TBL1XR1: variants seen among roughly 807,000 people sequenced by gnomAD.
TBL1XR1 encodes the protein TBL1X/Y related 1.
In TBL1XR1, 5 loss-of-function variants were observed where a neutral mutation model predicts 66.9. The observed-to-expected ratio is 0.07, with a 90% CI of 0.04 to 0.16. The LOEUF (loss-of-function observed/expected upper bound fraction) is 0.16, where lower values mean the gene tolerates loss of function less well. Among genes scored for constraint, TBL1XR1 ranks in the 10% least tolerant of loss-of-function variants. The pLI, the probability that TBL1XR1 is intolerant of heterozygous loss-of-function variation, is 1.00. For synonymous variants in TBL1XR1, 210 were observed against 206.0 expected (o/e 1.02, Z -0.17); for missense variants, 238 against 623.2 (o/e 0.38, Z 6.58).
intron 14 of TBL1XR1, among the ~76,000 whole-genome samples, chr3:177,030,994 C>T (rs894806067): frequency 1.3e-5 from 2 of 152,150 alleles, no homozygotes; most frequent in African/African-American, 4.8e-5. Flanking sequence ...CACCTATAAT[C>T]CCAGCTACTC....
chr3:177,147,708 G>A (rs933716348), intron 1 of TBL1XR1, among the ~76,000 whole-genome samples: 7 of 152,112 alleles, frequency 4.6e-5, no homozygotes, highest in Admixed American at 2.6e-4. Flanking sequence ...CTCCTAATAA[G>A]GCTTCAGCTT....
chr3:177,102,471 C>T (rs900907206), intron 1 of TBL1XR1, among the ~76,000 whole-genome samples: 1 of 151,970 alleles, frequency 6.6e-6, no homozygotes, highest in Non-Finnish European at 1.5e-5. Flanking sequence ...AAGCACACCA[C>T]GTAATTAAAA....
In TBL1XR1 at chr3:177,020,220, T is replaced by C. The variant is rs1484058223; in HGVS notation, c.*5278A>G. ...ATCTTCAACACATCTACACATTGTT[T>C]TGTGCTCAACCGTGTGGCTAACCAA... On this transcript the variant is annotated 3_prime_UTR_variant, in exon 16 of 16. Coordinates refer to ENST00000457928, the MANE Select transcript of TBL1XR1 (RefSeq NM_024665.7). 2 of 152,030 alleles carry C rather than the reference T, an allele frequency of 1.3e-5. No homozygotes were observed. Among genetic ancestry groups the C allele is most frequent in the East Asian group, 3.9e-4 (2 of 5,188 alleles). The allele number at this position is 152,030 out of a possible 1,614,324, so 9.4% of individuals were successfully genotyped here. A position where few individuals can be genotyped will look rare whatever the true frequency, so the allele number is the denominator to read the frequency against.
At chr3:177,146,659 A>T (rs1730293912) in intron 1 of TBL1XR1, among the ~76,000 whole-genome samples, 1 of 151,630 alleles carries the variant, frequency 6.6e-6, no homozygotes, top group Non-Finnish European at 1.5e-5. Flanking sequence ...TCTAAATAAC[A>T]GGAAGCTATC....
intron 1 of TBL1XR1, among the ~76,000 whole-genome samples, chr3:177,126,732 G>A (rs1358636738): frequency 2.0e-5 from 3 of 151,806 alleles, no homozygotes; most frequent in Admixed American, 2.0e-4. Flanking sequence ...TCTTGGCACT[G>A]GCTCTCCATA....
At chr3:177,077,006 T>C (rs1375453854) in intron 2 of TBL1XR1, among the ~76,000 whole-genome samples, 1 of 152,232 alleles carries the variant, frequency 6.6e-6, no homozygotes, top group Non-Finnish European at 1.5e-5. Context: ...GCATGTCCTA[T>C]ATGGGGTCTA....
intron 1 of TBL1XR1, among the ~76,000 whole-genome samples, chr3:177,106,288 A>C (rs62296570): frequency 0.021 from 3,219 of 152,308 alleles, 58 homozygotes; most frequent in African/African-American, 0.035. Context: ...ACCATCGCGC[A>C]AATCAATGAC....
chr3:177,070,756 G>A (rs566656306), intron 2 of TBL1XR1, among the ~76,000 whole-genome samples: 1 of 152,090 alleles, frequency 6.6e-6, no homozygotes, highest in African/African-American at 2.4e-5. Context: ...TGAGATGGGA[G>A]AATCGCTTGA....
intron 7 of TBL1XR1, among the ~76,000 whole-genome samples, chr3:177,048,544 C>T (rs957134357): frequency 6.6e-6 from 1 of 152,158 alleles, no homozygotes; most frequent in Non-Finnish European, 1.5e-5. Flanking sequence ...CCTTAGGGCT[C>T]TGTCTCAAGA....
chr3:177,141,090 C>G (rs1258924922), intron 1 of TBL1XR1, among the ~76,000 whole-genome samples: 1 of 152,146 alleles, frequency 6.6e-6, no homozygotes, highest in Non-Finnish European at 1.5e-5. Context: ...CTAATTTTCT[C>G]AAAGCTTTCA....
At chr3:177,035,928 C>A (rs1323831237) in intron 12 of TBL1XR1, among the ~76,000 whole-genome samples, 1 of 152,146 alleles carries the variant, frequency 6.6e-6, no homozygotes, top group Non-Finnish European at 1.5e-5. Flanking sequence ...AGGCTTGAGT[C>A]AACACCATTA....
rs368521105 is a variant in TBL1XR1 at position 177,051,555 on chromosome 3, T to G, written c.376A>C (p.Asn126His). The G allele has an allele frequency of 1.2e-6, 2 of 1,613,754 alleles. No individual in the cohort carries two copies. The highest frequency in any genetic ancestry group is 8.5e-7 in the Non-Finnish European group (1 of 1,179,782). The change falls in exon 5 of 16, where the codon AAT becomes CAT. Residue 126 changes from asparagine (N) to histidine (H), a missense_variant. By Grantham distance (68) the Asn-to-His change is moderately conservative. Around this residue, in one of 8 missense-constraint regions of TBL1XR1, gnomAD observed 80 missense variants for 100.5 expected, o/e 0.80. Transcript: ENST00000457928. The stretch of plus-strand genomic sequence containing the variant: ...TCCCCATTTGCTGTGTTTTCTCCAT[T>G]TTTTGCAGATCCTTGTTGGCTGGCT... ...AAASQQGSAK[N>H]GENTANGEEN...
At chr3:177,127,477 G>A (rs1400307205) in intron 1 of TBL1XR1, among the ~76,000 whole-genome samples, 2 of 152,154 alleles carry the variant, frequency 1.3e-5, no homozygotes, top group African/African-American at 2.4e-5. Flanking sequence ...TATAGCAGGT[G>A]CTCAAGAAAC....
At chr3:177,111,413 C>G (rs901502836) in intron 1 of TBL1XR1, among the ~76,000 whole-genome samples, 1 of 152,000 alleles carries the variant, frequency 6.6e-6, no homozygotes, top group Non-Finnish European at 1.5e-5. Flanking sequence ...GCTGGGACTA[C>G]AGGTGCATGC....
chr3:177,187,999 G>A (rs561492221), intron 1 of TBL1XR1, among the ~76,000 whole-genome samples: 2 of 143,114 alleles, frequency 1.4e-5, no homozygotes, highest in Admixed American at 1.4e-4. Context: ...GCCCAGGCAG[G>A]AATACAGTGG....
At chr3:177,065,507 C>G (rs1719040917) in intron 2 of TBL1XR1, among the ~76,000 whole-genome samples, 1 of 152,168 alleles carries the variant, frequency 6.6e-6, no homozygotes, top group Admixed American at 6.5e-5. Flanking sequence ...TCTCTATTTT[C>G]TCACCATCTC....
chr3:177,078,227 C>G (rs914048007), intron 2 of TBL1XR1, among the ~76,000 whole-genome samples: 10 of 152,120 alleles, frequency 6.6e-5, no homozygotes, highest in African/African-American at 2.4e-4. Context: ...TTATAAGGCA[C>G]CTAAAACATT....
chr3:177,122,654 G>T (rs1025700121), intron 1 of TBL1XR1, among the ~76,000 whole-genome samples: 2 of 152,216 alleles, frequency 1.3e-5, no homozygotes, highest in African/African-American at 4.8e-5. Context: ...AGAGTTCTTG[G>T]ATCAATGGCT....
chr3:177,131,748 C>G (rs1007995839), intron 1 of TBL1XR1, among the ~76,000 whole-genome samples: 3 of 152,028 alleles, frequency 2.0e-5, no homozygotes, highest in Admixed American at 1.3e-4. Context: ...GTGATCCACT[C>G]TCCTTGGTCT....
Sources: gnomAD v4.1 joint callset for allele counts (sites outside exome capture counted in the v4.1 genomes callset) on GRCh38, gnomAD v4.1.1 for gene constraint, gnomAD v4.1.1 regional missense constraint, MANE v1.5 for transcripts, NCBI Gene and HGNC (gene_info 2026-07-23, HGNC 2026-07-21) for gene names.